DAAM1: variants seen among roughly 807,000 people sequenced by gnomAD.
DAAM1 encodes dishevelled associated activator of morphogenesis 1, also known as disheveled-associated activator of morphogenesis 1.
DAAM1 carries 52 observed loss-of-function variants against 130.0 expected under a neutral mutation model. The ratio of observed to expected loss-of-function variants is 0.40; its 90% CI spans 0.32 to 0.50. DAAM1 has a LOEUF of 0.50. Among genes scored for constraint, DAAM1 ranks in the 20% least tolerant of loss-of-function variants. The pLI is 0.61. For synonymous variants in DAAM1, 452 were observed against 444.5 expected, an observed-to-expected ratio of 1.02 and a Z score of -0.21; for missense variants, 1,134 against 1,303.8, an observed-to-expected ratio of 0.87 and a Z score of 2.01.
chr14:59,213,214 C>T (rs1363122953), intron 1 of DAAM1, among the ~76,000 whole-genome samples: 2 of 151,936 alleles, frequency 1.3e-5, no homozygotes, highest in Non-Finnish European at 2.9e-5. Context: ...CCCAGGATTC[C>T]AGAAGATGCC....
At chr14:59,294,876 A>C (rs1476356448) in intron 3 of DAAM1, among the ~76,000 whole-genome samples, 1 of 152,240 alleles carries the variant, frequency 6.6e-6, no homozygotes, top group Non-Finnish European at 1.5e-5. Flanking sequence ...AACAGTAAGG[A>C]GTAAGTCTTC....
chr14:59,331,553 A>G (rs372858311), intron 14 of DAAM1, 45 bp downstream of exon 14: 92 of 1,532,970 alleles, frequency 6.0e-5, no homozygotes, highest in Non-Finnish European at 7.5e-5. Flanking sequence ...TAGCATTAGC[A>G]GCTCATTGTG....
chr14:59,215,709 G>C (rs564317837), intron 1 of DAAM1, among the ~76,000 whole-genome samples: 2 of 152,334 alleles, frequency 1.3e-5, no homozygotes, highest in East Asian at 3.9e-4. Context: ...CCTTTGCCCT[G>C]TGTGACAGCC....
chr14:59,364,541 C>T (rs541778217), intron 23 of DAAM1, among the ~76,000 whole-genome samples: 1 of 142,286 alleles, frequency 7.0e-6, no homozygotes, highest in Admixed American at 7.1e-5. Context: ...ATTTTCTATC[C>T]TCTTCTCATT....
intron 23 of DAAM1, 107 bp downstream of exon 23, chr14:59,363,889 T>G: frequency 2.0e-6 from 3 of 1,480,060 alleles, no homozygotes; most frequent in Non-Finnish European, 2.7e-6. Flanking sequence ...AGATCCAAAC[T>G]TCGTGGTGCA....
intron 1 of DAAM1, among the ~76,000 whole-genome samples, chr14:59,238,571 CA>C (rs150757744): frequency 0.011 from 1,729 of 152,250 alleles, 29 homozygotes; most frequent in African/African-American, 0.039. Context: ...TTACTGTGAT[CA>C]GGGGCAGTTC....
At chr14:59,334,244 G>T (rs929935322) in intron 15 of DAAM1, among the ~76,000 whole-genome samples, 1 of 152,118 alleles carries the variant, frequency 6.6e-6, no homozygotes, top group Non-Finnish European at 1.5e-5. Flanking sequence ...GGACACTTTA[G>T]TTGGAATATA....
chr14:59,242,963 G>T (rs557501442), intron 1 of DAAM1, among the ~76,000 whole-genome samples: 17 of 152,228 alleles, frequency 1.1e-4, no homozygotes, highest in Non-Finnish European at 2.5e-4. Context: ...ATGAAAGAAC[G>T]AATCCTTGAA....
intron 18 of DAAM1, 150 bp downstream of exon 18, chr14:59,352,782 T>C (rs1258361113): frequency 1.4e-6 from 1 of 701,624 alleles, no homozygotes; most frequent in Non-Finnish European, 2.3e-6. Flanking sequence ...CTGAGTGATG[T>C]GGAATTTGTT....
At chr14:59,279,730 T>G (rs1174870333) in intron 2 of DAAM1, among the ~76,000 whole-genome samples, 1 of 152,098 alleles carries the variant, frequency 6.6e-6, no homozygotes, top group Non-Finnish European at 1.5e-5. Context: ...TTTTAAAAAT[T>G]GATAAATTAG....
chr14:59,298,437 C>T (rs1884041371), intron 3 of DAAM1, among the ~76,000 whole-genome samples: 1 of 152,116 alleles, frequency 6.6e-6, no homozygotes, highest in Admixed American at 6.5e-5. Context: ...CACCGTTTAC[C>T]TGTTTAGGCA....
At chr14:59,291,374 AC>A in intron 3 of DAAM1, 68 bp downstream of exon 3, 1 of 1,272,166 alleles carries the variant, frequency 7.9e-7, no homozygotes, top group Non-Finnish European at 1.1e-6. Context: ...CTTCCATTTC[AC>A]CACTAGAATT....
chr14:59,264,527 C>T (rs1253005), intron 2 of DAAM1: 64,123 of 152,040 alleles, frequency 0.42, 13,679 homozygotes, highest in Non-Finnish European at 0.45. Flanking sequence ...GTGAGAACAG[C>T]ACACAGTGGG....
chr14:59,323,168 G>A lies in DAAM1; in HGVS notation c.717G>A (p.Lys239=), dbSNP rs778249260. 3 of 1,613,796 alleles carry A rather than the reference G, an allele frequency of 1.9e-6. No homozygotes were observed. Among genetic ancestry groups the A allele is most frequent in the Admixed American group, 3.3e-5 (2 of 60,000 alleles). ...AVCLVPGGHK[K]VLQAMLHYQK... is the part of the protein sequence containing the mutation. ...GCCTGGTTCCCGGGGGCCACAAGAA[G>A]GTTCTGCAGGCCATGCTGCACTACC... Residue 239 remains lysine, a synonymous_variant, in exon 6 of 25, where the codon AAG becomes AAA. Transcript: ENST00000360909.
chr14:59,282,224 T>C (rs987677164), intron 2 of DAAM1, among the ~76,000 whole-genome samples: 1 of 152,178 alleles, frequency 6.6e-6, no homozygotes, highest in African/African-American at 2.4e-5. Context: ...GCTTCCCTGA[T>C]TGTTCATTGT....
At chr14:59,272,822 T>A (rs1882786342) in intron 2 of DAAM1, among the ~76,000 whole-genome samples, 1 of 152,088 alleles carries the variant, frequency 6.6e-6, no homozygotes, top group South Asian at 2.1e-4. Flanking sequence ...ATGTGTGCAG[T>A]GCTAAAATTC....
intron 17 of DAAM1, among the ~76,000 whole-genome samples, chr14:59,349,100 G>C (rs1177198481): frequency 6.6e-6 from 1 of 152,218 alleles, no homozygotes; most frequent in Non-Finnish European, 1.5e-5. Context: ...CAGTCACACA[G>C]AGTCTTTGCT....
chr14:59,206,448 T>C (rs1370170429), intron 1 of DAAM1, among the ~76,000 whole-genome samples: 1 of 152,082 alleles, frequency 6.6e-6, no homozygotes, highest in Non-Finnish European at 1.5e-5. Context: ...GCTAATTTTT[T>C]GTATTTTTAA....
At chr14:59,246,468 T>C (rs1419488310) in intron 1 of DAAM1, among the ~76,000 whole-genome samples, 2 of 152,210 alleles carry the variant, frequency 1.3e-5, no homozygotes, top group Non-Finnish European at 2.9e-5. Flanking sequence ...GACATTTGGG[T>C]TCCTTCCACC....
Sources: allele counts gnomAD v4.1 joint callset (sites outside exome capture counted in the v4.1 genomes callset), GRCh38; gene constraint gnomAD v4.1.1; transcripts MANE v1.5; gene names NCBI Gene and HGNC (gene_info 2026-07-23, HGNC 2026-07-21).